PIAS2: variants seen among roughly 807,000 people sequenced by gnomAD.
PIAS2 encodes the protein protein inhibitor of activated STAT 2.
Under a neutral mutation model 69.7 loss-of-function variants are expected in PIAS2, and 19 were observed. The ratio of observed to expected loss-of-function variants is 0.27; its 90% CI spans 0.19 to 0.40. The LOEUF is 0.40. Ranked by LOEUF, PIAS2 falls within the 10% of genes least tolerant of loss-of-function variation. The pLI is 1.00. For missense variants in PIAS2, 624 were observed against 757.0 expected, an observed-to-expected ratio of 0.82 and a Z score of 2.06; for synonymous variants, 261 against 263.2, an observed-to-expected ratio of 0.99 and a Z score of 0.08.
chr18:46,905,214 C>CAAAT (rs1749216552), intron 1 of PIAS2, among the ~76,000 whole-genome samples: 1 of 152,016 alleles, frequency 6.6e-6, no homozygotes, highest in Admixed American at 6.6e-5. Flanking sequence ...AATGCAATTA[C>CAAAT]AAATCAACAG....
intron 13 of PIAS2, among the ~76,000 whole-genome samples, chr18:46,813,626 A>C (rs1199683610): frequency 6.6e-6 from 1 of 152,192 alleles, no homozygotes; most frequent in Non-Finnish European, 1.5e-5. Flanking sequence ...GAGACACTGG[A>C]TTATGGAACA....
intron 1 of PIAS2, among the ~76,000 whole-genome samples, chr18:46,896,576 C>G (rs2054922842): frequency 6.6e-6 from 1 of 152,168 alleles, no homozygotes; most frequent in South Asian, 2.1e-4. Context: ...ATGCTGAACA[C>G]AAAACATGAA....
At chr18:46,825,992 T>C (rs962024342) in intron 11 of PIAS2, among the ~76,000 whole-genome samples, 2 of 152,348 alleles carry the variant, frequency 1.3e-5, no homozygotes, top group East Asian at 1.9e-4. Flanking sequence ...TATCTTTCTA[T>C]GTGAGTCTGT....
intron 10 of PIAS2, among the ~76,000 whole-genome samples, chr18:46,829,389 T>A (rs1357066118): frequency 6.6e-6 from 1 of 152,214 alleles, no homozygotes; most frequent in Admixed American, 6.5e-5. Context: ...CACCTCCACC[T>A]AGGGTTCCAC....
intron 9 of PIAS2, among the ~76,000 whole-genome samples, chr18:46,833,991 T>C (rs2044056476): frequency 1.3e-5 from 2 of 151,406 alleles, no homozygotes; most frequent in South Asian, 4.2e-4. Flanking sequence ...GTGTCATTCC[T>C]TACCTTCACA....
chr18:46,815,855 G>C, intron 12 of PIAS2: 1 of 985,846 alleles, frequency 1.0e-6, no homozygotes, highest in Non-Finnish European at 1.2e-6. Flanking sequence ...CCAACGCTCT[G>C]CACAAAGCAC....
Position 46,804,579 on chromosome 18 carries a change from C to T in PIAS2, c.*7854G>A, listed in dbSNP as rs981846110. 2.6e-5 allele frequency: 4 copies of T among 152,194 alleles called. No homozygotes were observed. Among genetic ancestry groups the T allele is most frequent in the African/African-American group, 9.7e-5 (4 of 41,428 alleles). 9.4% of individuals were successfully genotyped at this position (152,194 alleles called of 1,614,324 possible). ...CTATCTATGCATATTTCTCAATATT[C>T]CTTAGCAAACTTCCAGCAATTCTAA... On this transcript the variant is annotated 3_prime_UTR_variant, in exon 14 of 14. Transcript: ENST00000585916.
chr18:46,858,927 A>C (rs1042226184), intron 3 of PIAS2, among the ~76,000 whole-genome samples: 4 of 152,114 alleles, frequency 2.6e-5, no homozygotes, highest in African/African-American at 9.7e-5. Context: ...TTATAGCATC[A>C]ATCTCCCAAA....
intron 2 of PIAS2, among the ~76,000 whole-genome samples, chr18:46,884,846 G>A (rs1223126155): frequency 6.6e-6 from 1 of 152,006 alleles, no homozygotes. Context: ...GAACCCAGGA[G>A]GCAGAGGTTG....
chr18:46,860,761 G>A (rs2048534283), intron 3 of PIAS2, among the ~76,000 whole-genome samples: 1 of 152,096 alleles, frequency 6.6e-6, no homozygotes, highest in Non-Finnish European at 1.5e-5. Context: ...AAGATCACTT[G>A]AGCACAGGTG....
rs565011909 is a variant in PIAS2 at position 46,875,293 on chromosome 18, A to G, written c.500-11045T>C. 9.7e-4 allele frequency among the ~76,000 whole-genome samples: 148 copies of G among 152,316 alleles called. 1 individual carries two copies. Among genetic ancestry groups the G allele is most frequent in the Middle Eastern group, 6.8e-3 (2 of 294 alleles). ...TGGACAGATGTTTGGTGGACCACCC[A>G]ATATGGAGGATGGACAGCCAGGCCC... On this transcript the variant is annotated intron_variant, in intron 2 of 13. Transcript: ENST00000585916.
At chr18:46,857,290 T>C (rs1389590961) in intron 3 of PIAS2, among the ~76,000 whole-genome samples, 1 of 152,192 alleles carries the variant, frequency 6.6e-6, no homozygotes, top group Non-Finnish European at 1.5e-5. Context: ...TACAACACAG[T>C]ATTTGCTTCA....
intron 1 of PIAS2, among the ~76,000 whole-genome samples, chr18:46,906,692 G>A (rs1265945484): frequency 1.4e-5 from 2 of 143,794 alleles, no homozygotes; most frequent in African/African-American, 5.1e-5. Context: ...AAACTTAGCA[G>A]CAAAATGTAA....
At chr18:46,823,737 T>C (rs1599375684) in intron 11 of PIAS2, among the ~76,000 whole-genome samples, 1 of 152,204 alleles carries the variant, frequency 6.6e-6, no homozygotes, top group South Asian at 2.1e-4. Context: ...TTAATTCCCA[T>C]TACCTGAATG....
chr18:46,815,771 G>A (rs894103818), intron 12 of PIAS2: 73 of 1,000,500 alleles, frequency 7.3e-5, no homozygotes, highest in Non-Finnish European at 8.4e-5. Context: ...TCTAAGTATC[G>A]CTTCTTAAAC....
chr18:46,891,232 A>T, intron 1 of PIAS2, 178 bp from the exon 2 acceptor site: 1 of 691,650 alleles, frequency 1.4e-6, no homozygotes, highest in Middle Eastern at 2.3e-4. Flanking sequence ...CGTAAAAATT[A>T]CATTCAAGTT....
chr18:46,894,345 A>G (rs72913091), intron 1 of PIAS2, among the ~76,000 whole-genome samples: 11,673 of 152,170 alleles, frequency 0.077, 484 homozygotes, highest in African/African-American at 0.1. Flanking sequence ...AGAGAGGGTC[A>G]CCAGAGCCCA....
intron 1 of PIAS2, among the ~76,000 whole-genome samples, chr18:46,912,114 T>C (rs1475169453): frequency 6.6e-6 from 1 of 150,878 alleles, no homozygotes; most frequent in Non-Finnish European, 1.5e-5. Context: ...AAAGGCAAGG[T>C]TTGGCTTTTA....
chr18:46,828,143 A>C lies in PIAS2; in HGVS notation c.1337-13T>G, dbSNP rs1208875545. Reference sequence around the variant, plus strand: ...AGGACGCTTGAACCTGCATGTAAAGAAACAAAAGGAAAAAAAAATTAAAGG... The same window carrying C: ...AGGACGCTTGAACCTGCATGTAAAGCAACAAAAGGAAAAAAAAATTAAAGG... On this transcript the variant is annotated splice_polypyrimidine_tract_variant and intron_variant, in intron 10 of 13. Transcript: ENST00000585916. 2.5e-6 allele frequency: 4 copies of C among 1,581,386 alleles called. 1 individual carries two copies. Among genetic ancestry groups the C allele is most frequent in the Non-Finnish European group, 3.4e-6 (4 of 1,167,298 alleles).
Sources: allele counts gnomAD v4.1 joint callset (sites outside exome capture counted in the v4.1 genomes callset), GRCh38; gene constraint gnomAD v4.1.1; transcripts MANE v1.5; gene names NCBI Gene and HGNC (gene_info 2026-07-23, HGNC 2026-07-21).